Variants in INPP4A observed in about 807,000 individuals in gnomAD.
INPP4A encodes inositol polyphosphate-4-phosphatase, type I, 107kD.
A neutral mutation model predicts 119.8 loss-of-function variants in INPP4A; 33 were observed. The ratio of observed to expected loss-of-function variants is 0.28; its 90% CI spans 0.21 to 0.37. The LOEUF (loss-of-function observed/expected upper bound fraction) is 0.37. Ranked by LOEUF, INPP4A falls within the 10% of genes least tolerant of loss-of-function variation. The pLI, the probability that INPP4A is intolerant of heterozygous loss-of-function variation, is 1.00. For missense variants in INPP4A, 956 were observed against 1,289.9 expected, an observed-to-expected ratio of 0.74 and a Z score of 3.97; for synonymous variants, 496 against 500.7, an observed-to-expected ratio of 0.99 and a Z score of 0.12.
chr2:98,453,600 G>A (rs1334667288), intron 1 of INPP4A, among the ~76,000 whole-genome samples: 2 of 152,098 alleles, frequency 1.3e-5, no homozygotes, highest in Admixed American at 6.6e-5. Context: ...TATACACTTG[G>A]GGTCTTTTCC....
intron 1 of INPP4A, among the ~76,000 whole-genome samples, chr2:98,449,190 C>T (rs899960470): frequency 1.3e-5 from 2 of 152,182 alleles, no homozygotes; most frequent in Admixed American, 6.5e-5. Context: ...AATATAGTTA[C>T]TGCTCATACA....
In INPP4A at chr2:98,552,776, T is replaced by C. The variant is rs2106194679; in HGVS notation, c.1164-10T>C. Reference sequence around the variant, plus strand: ...GAGAATCCCTTAGAATCCATTCTTATCCTTTCCAGTACATCATCTGGCTGC... The same window carrying C: ...GAGAATCCCTTAGAATCCATTCTTACCCTTTCCAGTACATCATCTGGCTGC... On this transcript the variant is annotated splice_polypyrimidine_tract_variant and intron_variant, in intron 13 of 24. Coordinates refer to ENST00000409851, the MANE Select transcript of INPP4A (RefSeq NM_001134225.2). 2 of 1,605,322 alleles carry C rather than the reference T, an allele frequency of 1.2e-6. No homozygotes were observed. Among genetic ancestry groups the C allele is most frequent in the East Asian group, 2.2e-5 (1 of 44,848 alleles).
At chr2:98,541,940 GCAA>G (rs777937702) in intron 10 of INPP4A, among the ~76,000 whole-genome samples, 57 of 152,292 alleles carry the variant, frequency 3.7e-4, no homozygotes, top group Middle Eastern at 3.4e-3. Context: ...GTTGTTTTTA[GCAA>G]CAACCACATG....
intron 24 of INPP4A, among the ~76,000 whole-genome samples, chr2:98,581,264 A>G (rs967242198): frequency 1.3e-5 from 2 of 152,176 alleles, no homozygotes; most frequent in African/African-American, 2.4e-5. Context: ...GAACATGGAA[A>G]ACCATTCGTT....
Position 98,566,187 on chromosome 2 carries a change from G to T in INPP4A, c.2420+18G>T, listed in dbSNP as rs771565435. ...GCCGAGAGGTGCGTGCCGGCTCCTC[G>T]GGGCTGCGGGGGTGTGGTGGCCCTG... On this transcript the variant is annotated intron_variant, in intron 21 of 24. Transcript: ENST00000409851. The surrounding 1 kb of genome is among the most constrained non-coding windows in gnomAD (Gnocchi z 4.2). The T allele has an allele frequency of 1.3e-6, 2 of 1,558,260 alleles. No homozygotes were observed. The highest frequency in any genetic ancestry group is 2.3e-5 in the East Asian group (1 of 42,746).
At chr2:98,511,022 A>G (rs924352880) in intron 1 of INPP4A, among the ~76,000 whole-genome samples, 1 of 152,120 alleles carries the variant, frequency 6.6e-6, no homozygotes, top group Non-Finnish European at 1.5e-5. Context: ...GAGAAGGGAT[A>G]CGCATTGCCA....
chr2:98,521,112 C>A (rs931378224), intron 4 of INPP4A: 11 of 191,132 alleles, frequency 5.8e-5, no homozygotes, highest in Non-Finnish European at 9.6e-5. Flanking sequence ...CTTTGTTGCC[C>A]CTGGCTGCAA....
chr2:98,482,554 CT>C (rs960018581), intron 1 of INPP4A, among the ~76,000 whole-genome samples: 8 of 152,372 alleles, frequency 5.3e-5, no homozygotes, highest in African/African-American at 1.9e-4. Context: ...AGCTGTGGGC[CT>C]CTGTGCAATG....
rs1474868479 is a variant in INPP4A at position 98,593,937 on chromosome 2, C to T, written c.*6329C>T. 1.3e-5 allele frequency: 2 copies of T among 151,244 alleles called. No individual in the cohort carries two copies. Among genetic ancestry groups the T allele is most frequent in the Non-Finnish European group, 3.0e-5 (2 of 67,314 alleles). 9.4% of individuals were successfully genotyped at this position (151,244 alleles called of 1,614,324 possible). A position where few individuals can be genotyped will look rare whatever the true frequency, so the allele number is the denominator to read the frequency against. The stretch of plus-strand genomic sequence containing the variant: ...GGCCCTTTCAAAAAAACTTCCTCTC[C>T]TTCATTGTTGACTATGAAGATTCTT... On this transcript the variant is annotated 3_prime_UTR_variant, in exon 25 of 25. Coordinates refer to ENST00000409851, the MANE Select transcript of INPP4A (RefSeq NM_001134225.2).
intron 1 of INPP4A, among the ~76,000 whole-genome samples, chr2:98,468,738 A>C (rs1675312731): frequency 6.6e-6 from 1 of 152,184 alleles, no homozygotes; most frequent in Non-Finnish European, 1.5e-5. Context: ...ATGATGATAG[A>C]AGTCGATAAC....
chr2:98,479,447 T>TC (rs894990049), intron 1 of INPP4A, among the ~76,000 whole-genome samples: 6 of 152,192 alleles, frequency 3.9e-5, no homozygotes, highest in Non-Finnish European at 7.4e-5. Context: ...GTCAGTGGCA[T>TC]CTCTGCATGG....
intron 24 of INPP4A, among the ~76,000 whole-genome samples, chr2:98,580,044 A>G (rs557608746): frequency 1.3e-5 from 2 of 152,254 alleles, no homozygotes; most frequent in Non-Finnish European, 2.9e-5. Context: ...AGGGGAAGAC[A>G]TGTACCTGTT....
At chr2:98,477,606 G>A (rs769460945) in intron 1 of INPP4A, among the ~76,000 whole-genome samples, 9 of 152,206 alleles carry the variant, frequency 5.9e-5, no homozygotes, top group African/African-American at 1.9e-4. Flanking sequence ...AACTGTCAAC[G>A]TTGGTCTTGT....
chr2:98,500,027 A>G (rs970145088), intron 1 of INPP4A, among the ~76,000 whole-genome samples: 2 of 152,190 alleles, frequency 1.3e-5, no homozygotes, highest in Non-Finnish European at 2.9e-5. Flanking sequence ...AAACCTTCCC[A>G]GTGGTCACAA....
At chr2:98,469,278 C>T (rs1192528877) in intron 1 of INPP4A, among the ~76,000 whole-genome samples, 1 of 152,092 alleles carries the variant, frequency 6.6e-6, no homozygotes, top group Non-Finnish European at 1.5e-5. Flanking sequence ...GTGGGTAGAT[C>T]ACGAGGTCAG....
At chr2:98,464,740 A>G (rs1674395657) in intron 1 of INPP4A, among the ~76,000 whole-genome samples, 1 of 152,214 alleles carries the variant, frequency 6.6e-6, no homozygotes, top group African/African-American at 2.4e-5. Context: ...TCCATGAGAT[A>G]TCAGCAGAGG....
At chr2:98,468,847 C>T (rs774965850) in intron 1 of INPP4A, among the ~76,000 whole-genome samples, 6 of 152,294 alleles carry the variant, frequency 3.9e-5, no homozygotes, top group South Asian at 2.1e-4. Flanking sequence ...CTCTACATCA[C>T]GCCCACACTG....
At position 98,590,329 on chromosome 2, in the gene INPP4A, C is replaced by T. The variant is rs1700303060; in HGVS notation, c.*2721C>T. 5.3e-6 allele frequency: 1 copy of T among 189,380 alleles called. No individual in the cohort carries two copies. The highest frequency in any genetic ancestry group is 1.1e-5 in the Non-Finnish European group (1 of 90,072). 11.7% of individuals were successfully genotyped at this position (189,380 alleles called of 1,614,324 possible). On this transcript the variant is annotated 3_prime_UTR_variant, in exon 25 of 25. Transcript: ENST00000409851. ...AAGCTTGTTTCTGCCTAATTTGAAGCAGAGGGGCAACAGCGTTGAGGTTAA... is the reference window on the plus strand; with the variant it reads ...AAGCTTGTTTCTGCCTAATTTGAAGTAGAGGGGCAACAGCGTTGAGGTTAA...
intron 1 of INPP4A, among the ~76,000 whole-genome samples, chr2:98,462,132 G>A (rs142801655): frequency 1.3e-5 from 2 of 152,334 alleles, no homozygotes; most frequent in African/African-American, 2.4e-5. Flanking sequence ...GATACTATTT[G>A]TAAGGCACAT....
Sources: gnomAD v4.1 joint callset for allele counts (sites outside exome capture counted in the v4.1 genomes callset) on GRCh38, gnomAD v4.1.1 for gene constraint, Gnocchi (gnomAD v3.1) non-coding constraint, MANE v1.5 for transcripts, NCBI Gene and HGNC (gene_info 2026-07-23, HGNC 2026-07-21) for gene names.